Variants in MAN1A1 observed in about 807,000 individuals in gnomAD.
MAN1A1 encodes the protein mannosyl-oligosaccharide 1,2-alpha-mannosidase IA.
A neutral mutation model predicts 70.8 loss-of-function variants in MAN1A1; 29 were observed. The observed-to-expected ratio is 0.41, with a 90% CI of 0.31 to 0.56. The LOEUF (loss-of-function observed/expected upper bound fraction) is 0.56, where lower values mean the gene tolerates loss of function less well. MAN1A1 is among the 20% of genes least tolerant of loss of function. The probability of loss-of-function intolerance (pLI) is 0.29; values close to 1 mark genes in which losing one functional copy is unlikely to be tolerated. For synonymous variants in MAN1A1, 349 were observed against 330.1 expected (o/e 1.06, Z -0.62); for missense variants, 747 against 841.3 (o/e 0.89, Z 1.39).
At position 119,348,971 on chromosome 6, in the gene MAN1A1, C is replaced by T; in HGVS notation, c.95G>A (p.Gly32Asp). Residue 32 changes from glycine to aspartate, a missense_variant, in exon 2 of 13, where the codon GGC becomes GAC. Gly to Asp is a moderately conservative substitution (Grantham distance 94). Transcript: ENST00000368468. ...CTCCGTCAGGCGGAGGGCGGCGGGG[C>T]CCGACCCCTTCCTGCCACCGCCGCC... ...LGGGGGRKGS[G>D]PAALRLTEKF... 1.3e-6 allele frequency: 2 copies of T among 1,505,474 alleles called. No homozygotes were observed. The highest frequency in any genetic ancestry group is 1.3e-5 in the South Asian group (1 of 77,836). The allele number at this position is 1,505,474 out of a possible 1,614,324, so 93.3% of individuals were successfully genotyped here. A position where few individuals can be genotyped will look rare whatever the true frequency, so the allele number is the denominator to read the frequency against.
At chr6:119,215,985 G>A (rs1257531723) in intron 6 of MAN1A1, among the ~76,000 whole-genome samples, 1 of 152,174 alleles carries the variant, frequency 6.6e-6, no homozygotes, top group African/African-American at 2.4e-5. Flanking sequence ...ACCTGCCAGT[G>A]AAGACCTGGG....
chr6:119,286,035 C>T (rs1211330198), intron 5 of MAN1A1, among the ~76,000 whole-genome samples: 1 of 152,154 alleles, frequency 6.6e-6, no homozygotes, highest in African/African-American at 2.4e-5. Context: ...CTGCTATGTG[C>T]TAACCTTATC....
intron 5 of MAN1A1, among the ~76,000 whole-genome samples, chr6:119,268,348 C>G (rs1775816325): frequency 6.6e-6 from 1 of 152,094 alleles, no homozygotes; most frequent in African/African-American, 2.4e-5. Context: ...CAAGGGCTAC[C>G]CTGTAACGCC....
chr6:119,278,456 C>T (rs998628495), intron 5 of MAN1A1, among the ~76,000 whole-genome samples: 1 of 152,078 alleles, frequency 6.6e-6, no homozygotes, highest in Non-Finnish European at 1.5e-5. Flanking sequence ...TAAGCAGCAA[C>T]CTTTACTCAG....
intron 5 of MAN1A1, among the ~76,000 whole-genome samples, chr6:119,251,582 T>C (rs1406195283): frequency 1.3e-5 from 2 of 152,222 alleles, no homozygotes; most frequent in Admixed American, 1.3e-4. Context: ...TACCATACAA[T>C]GCAGTCTTTG....
rs138663748 is a variant in MAN1A1 at position 119,312,165 on chromosome 6, G to T, written c.604-5173C>A. The stretch of plus-strand genomic sequence containing the variant: ...GTCTGATTCAGGCAAGGTCTGAGGT[G>T]GAAGAGCAATCTAACTCACTGATTG... On this transcript the variant is annotated intron_variant, in intron 2 of 12. Coordinates refer to ENST00000368468, the MANE Select transcript of MAN1A1 (RefSeq NM_005907.4). 1.1e-4 allele frequency among the ~76,000 whole-genome samples: 17 copies of T among 152,190 alleles called. 1 individual carries two copies. In the East Asian group the frequency reaches 2.9e-3, roughly 26 times the overall value.
At chr6:119,289,164 T>C (rs1228036514) in intron 5 of MAN1A1, among the ~76,000 whole-genome samples, 1 of 151,888 alleles carries the variant, frequency 6.6e-6, no homozygotes. Flanking sequence ...TAATCAAACA[T>C]GATGTATATT....
intron 6 of MAN1A1, among the ~76,000 whole-genome samples, chr6:119,223,465 T>G (rs1774421267): frequency 6.6e-6 from 1 of 152,182 alleles, no homozygotes; most frequent in African/African-American, 2.4e-5. Context: ...ACAACTATTC[T>G]GCAGGGATGT....
chr6:119,252,576 G>A (rs971805128), intron 5 of MAN1A1, among the ~76,000 whole-genome samples: 7 of 152,094 alleles, frequency 4.6e-5, no homozygotes, highest in African/African-American at 1.2e-4. Context: ...GGTGGATCAC[G>A]AAGTCAAGAG....
At chr6:119,188,673 G>T in intron 10 of MAN1A1, 96 bp from the exon 11 acceptor site, 1 of 1,085,890 alleles carries the variant, frequency 9.2e-7, no homozygotes, top group Non-Finnish European at 1.3e-6. Flanking sequence ...TCATCCCTCA[G>T]TATCTATGAG....
chr6:119,265,747 C>A (rs145140202), intron 5 of MAN1A1, among the ~76,000 whole-genome samples: 83 of 152,168 alleles, frequency 5.5e-4, no homozygotes, highest in African/African-American at 2.0e-3. Flanking sequence ...CCTCTTACCA[C>A]TGCTTTTCAA....
chr6:119,293,174 C>A (rs1442454654), intron 4 of MAN1A1, among the ~76,000 whole-genome samples: 2 of 152,096 alleles, frequency 1.3e-5, no homozygotes, highest in East Asian at 3.9e-4. Context: ...TAATCAAGAC[C>A]TTTATGTAGA....
At chr6:119,319,165 TAAGGCA>T (rs1253991417) in intron 2 of MAN1A1, among the ~76,000 whole-genome samples, 1 of 152,094 alleles carries the variant, frequency 6.6e-6, no homozygotes, top group Admixed American at 6.6e-5. Context: ...GTACCATCTT[TAAGGCA>T]AGCACTAACA....
intron 2 of MAN1A1, among the ~76,000 whole-genome samples, chr6:119,348,195 TTATACCCACCTCGTG>T (rs1197950220): frequency 6.6e-6 from 1 of 152,256 alleles, no homozygotes. Flanking sequence ...GCCCATGTAT[TTATACCCACCTCGTG>T]TGGCTTGTGG....
intron 6 of MAN1A1, among the ~76,000 whole-genome samples, chr6:119,214,400 C>T (rs533086319): frequency 6.6e-6 from 1 of 152,296 alleles, no homozygotes; most frequent in East Asian, 1.9e-4. Flanking sequence ...AGTAAAACTA[C>T]ATATTTTCTA....
chr6:119,275,772 A>G (rs1582758363), intron 5 of MAN1A1, among the ~76,000 whole-genome samples: 1 of 152,284 alleles, frequency 6.6e-6, no homozygotes, highest in East Asian at 1.9e-4. Context: ...AGATTTAGGT[A>G]TGTAACTGAT....
chr6:119,223,346 CAAAT>C (rs1200860928), intron 6 of MAN1A1, among the ~76,000 whole-genome samples: 1 of 151,936 alleles, frequency 6.6e-6, no homozygotes, highest in Admixed American at 6.6e-5. Context: ...TAAAACAAAT[CAAAT>C]AATTCTTTTA....
chr6:119,329,310 T>C (rs1773240643), intron 2 of MAN1A1, among the ~76,000 whole-genome samples: 1 of 152,074 alleles, frequency 6.6e-6, no homozygotes, highest in South Asian at 2.1e-4. Context: ...GAATAAAGCA[T>C]GTATGACTGA....
chr6:119,291,613 C>T (rs1289737894), intron 4 of MAN1A1, among the ~76,000 whole-genome samples: 1 of 151,700 alleles, frequency 6.6e-6, no homozygotes, highest in African/African-American at 2.4e-5. Context: ...TATACTTAGG[C>T]TGGTACTTCA....
Sources: allele counts gnomAD v4.1 joint callset (sites outside exome capture counted in the v4.1 genomes callset), GRCh38; gene constraint gnomAD v4.1.1; transcripts MANE v1.5; gene names NCBI Gene and HGNC (gene_info 2026-07-23, HGNC 2026-07-21).